Variants in PDE4B observed in about 807,000 individuals in gnomAD.
PDE4B encodes phosphodiesterase 4B, also known as 3',5'-cyclic-AMP phosphodiesterase 4B.
In PDE4B, 20 loss-of-function variants were observed where a neutral mutation model predicts 82.2. The ratio of observed to expected loss-of-function variants is 0.24; its 90% CI spans 0.17 to 0.35. The LOEUF (loss-of-function observed/expected upper bound fraction) is 0.35. Among genes scored for constraint, PDE4B ranks in the 10% least tolerant of loss-of-function variants. PDE4B has a pLI of 1.00. For missense variants in PDE4B, 655 were observed against 907.2 expected, an observed-to-expected ratio of 0.72 and a Z score of 3.57; for synonymous variants, 320 against 318.9, an observed-to-expected ratio of 1.00 and a Z score of -0.04.
intron 3 of PDE4B, among the ~76,000 whole-genome samples, chr1:65,949,841 G>C (rs1211475556): frequency 6.6e-6 from 1 of 151,830 alleles, no homozygotes; most frequent in Admixed American, 6.6e-5. Flanking sequence ...AGGTGCATAG[G>C]ACTCAGGATA....
chr1:66,181,020 T>G (rs534843615), intron 3 of PDE4B, among the ~76,000 whole-genome samples: 26 of 152,326 alleles, frequency 1.7e-4, no homozygotes, highest in Non-Finnish European at 3.4e-4. Context: ...GACATGTCTC[T>G]ACTAAGAGAT....
intron 10 of PDE4B, among the ~76,000 whole-genome samples, chr1:66,362,676 A>C (rs900098845): frequency 2.6e-5 from 4 of 152,056 alleles, no homozygotes; most frequent in Non-Finnish European, 4.4e-5. Context: ...ATTCTTCATG[A>C]CCTTTTACAT....
At chr1:66,030,583 T>A (rs1471624278) in intron 3 of PDE4B, among the ~76,000 whole-genome samples, 1 of 152,186 alleles carries the variant, frequency 6.6e-6, no homozygotes, top group Non-Finnish European at 1.5e-5. Flanking sequence ...CCTTATTCAA[T>A]CTACTATTTG....
intron 3 of PDE4B, among the ~76,000 whole-genome samples, chr1:66,004,225 T>C (rs1482110523): frequency 3.9e-5 from 6 of 152,190 alleles, no homozygotes. Context: ...AGTTCACTAA[T>C]GTATCGAGAG....
intron 3 of PDE4B, among the ~76,000 whole-genome samples, chr1:66,160,861 G>C (rs2101256521): frequency 6.6e-6 from 1 of 152,262 alleles, no homozygotes. Flanking sequence ...AAAAGGAGGT[G>C]CCTCTATCAG....
chr1:65,942,108 A>G (rs1230972901), intron 3 of PDE4B, among the ~76,000 whole-genome samples: 1 of 152,070 alleles, frequency 6.6e-6, no homozygotes, highest in Non-Finnish European at 1.5e-5. Context: ...ATTAGCAATT[A>G]GGTGGTCTAA....
chr1:65,946,850 A>G (rs1219949985), intron 3 of PDE4B, among the ~76,000 whole-genome samples: 1 of 151,978 alleles, frequency 6.6e-6, no homozygotes. Context: ...CAAGTGTATT[A>G]TATGTTGCAC....
intron 1 of PDE4B, among the ~76,000 whole-genome samples, chr1:65,828,790 A>G (rs772515217): frequency 3.9e-5 from 6 of 152,182 alleles, no homozygotes; most frequent in Non-Finnish European, 7.3e-5. Context: ...AATCACTTAA[A>G]AAGTTTAAAA....
At chr1:65,932,760 A>G (rs1365137016) in intron 3 of PDE4B, among the ~76,000 whole-genome samples, 1 of 152,154 alleles carries the variant, frequency 6.6e-6, no homozygotes, top group Non-Finnish European at 1.5e-5. Context: ...AAAAAGTACC[A>G]AAAAGAATTT....
At chr1:65,997,285 A>G (rs1039446330) in intron 3 of PDE4B, among the ~76,000 whole-genome samples, 8 of 152,022 alleles carry the variant, frequency 5.3e-5, no homozygotes, top group African/African-American at 1.9e-4. Context: ...AGTTAGTAGG[A>G]GAAAAGAGGC....
At chr1:66,180,628 C>T (rs190930234) in intron 3 of PDE4B, among the ~76,000 whole-genome samples, 2 of 152,266 alleles carry the variant, frequency 1.3e-5, no homozygotes, top group Admixed American at 6.5e-5. Context: ...GTGGAATACT[C>T]CAGGGTAGGT....
chr1:66,059,575 C>A (rs1467425754), intron 3 of PDE4B, among the ~76,000 whole-genome samples: 1 of 152,210 alleles, frequency 6.6e-6, no homozygotes, highest in Non-Finnish European at 1.5e-5. Flanking sequence ...TCACATCTCA[C>A]ATGAATGGCA....
chr1:66,220,645 C>T (rs1196831383), intron 3 of PDE4B, among the ~76,000 whole-genome samples: 2 of 152,140 alleles, frequency 1.3e-5, no homozygotes, highest in African/African-American at 4.8e-5. Flanking sequence ...CTTCCTTGCT[C>T]ACATTCTTAA....
At chr1:66,258,393 C>G (rs1023061143) in intron 6 of PDE4B, among the ~76,000 whole-genome samples, 1 of 152,166 alleles carries the variant, frequency 6.6e-6, no homozygotes, top group African/African-American at 2.4e-5. Context: ...TGTTGCTGAT[C>G]CTTGATCTCC....
At position 66,365,659 on chromosome 1, in the gene PDE4B, C is replaced by T; in HGVS notation, c.1285-8C>T. On this transcript the variant is annotated splice_region_variant and splice_polypyrimidine_tract_variant and intron_variant, in intron 12 of 16. Transcript: ENST00000341517. ...ATGTGTAGTTAAATGTGTTTATTTG[C>T]CCGACAGGCTGTCTTCACAGATTTG... 2 of 1,576,364 alleles carry T rather than the reference C, an allele frequency of 1.3e-6. No individual in the cohort carries two copies. Among genetic ancestry groups the T allele is most frequent in the Non-Finnish European group, 1.7e-6 (2 of 1,147,478 alleles).
chr1:65,972,151 T>C (rs1472839211), intron 3 of PDE4B, among the ~76,000 whole-genome samples: 1 of 152,190 alleles, frequency 6.6e-6, no homozygotes, highest in African/African-American at 2.4e-5. Context: ...GATTTTTAAG[T>C]TTCTAAACAT....
At chr1:66,221,092 C>T (rs1004388112) in intron 3 of PDE4B, among the ~76,000 whole-genome samples, 1 of 152,034 alleles carries the variant, frequency 6.6e-6, no homozygotes. Context: ...ACAATCATTG[C>T]AAACCTGGAG....
intron 3 of PDE4B, among the ~76,000 whole-genome samples, chr1:66,003,218 T>A (rs938126065): frequency 6.6e-6 from 1 of 152,180 alleles, no homozygotes; most frequent in Admixed American, 6.5e-5. Flanking sequence ...TTTGCTGTCA[T>A]GTAATAATCA....
chr1:66,306,413 C>A (rs554147194), intron 7 of PDE4B, among the ~76,000 whole-genome samples: 1 of 151,982 alleles, frequency 6.6e-6, no homozygotes, highest in African/African-American at 2.4e-5. Context: ...AGACTCAACT[C>A]TAATTTATAA....
Sources: allele counts gnomAD v4.1 joint callset (sites outside exome capture counted in the v4.1 genomes callset), GRCh38; gene constraint gnomAD v4.1.1; transcripts MANE v1.5; gene names NCBI Gene and HGNC (gene_info 2026-07-23, HGNC 2026-07-21).